Variants in PDE7B observed in about 807,000 individuals in gnomAD.
PDE7B encodes phosphodiesterase 7B.
A neutral mutation model predicts 56.2 loss-of-function variants in PDE7B; 29 were observed. That is an observed-to-expected ratio of 0.52 (90% CI 0.38 to 0.70). PDE7B has a LOEUF of 0.70. PDE7B is among the 30% of genes least tolerant of loss of function. The pLI is 0.00. For synonymous variants in PDE7B, 197 were observed against 196.9 expected, an observed-to-expected ratio of 1.00 and a Z score of 0.00; for missense variants, 490 against 565.0, an observed-to-expected ratio of 0.87 and a Z score of 1.35.
At chr6:136,038,073 GC>G in intron 2 of PDE7B, 2 of 1,338,120 alleles carry the variant, frequency 1.5e-6, no homozygotes, top group Non-Finnish European at 2.0e-6. Flanking sequence ...TTTGTGGAGG[GC>G]CTGAAGAGAC....
At chr6:136,003,747 A>G (rs1265872643) in intron 2 of PDE7B, among the ~76,000 whole-genome samples, 2 of 152,230 alleles carry the variant, frequency 1.3e-5, no homozygotes, top group Non-Finnish European at 2.9e-5. Context: ...GACCAGATGG[A>G]TTCACAGCCG....
chr6:136,179,620 G>A (rs1444608278), intron 10 of PDE7B, among the ~76,000 whole-genome samples: 1 of 152,058 alleles, frequency 6.6e-6, no homozygotes, highest in East Asian at 1.9e-4. Flanking sequence ...TTGGTGGCTT[G>A]GTATAAAATC....
At chr6:135,888,900 A>C (rs1317396405) in intron 1 of PDE7B, among the ~76,000 whole-genome samples, 1 of 152,192 alleles carries the variant, frequency 6.6e-6, no homozygotes, top group Admixed American at 6.5e-5. Context: ...CAGAAATAAA[A>C]CAATAAGAAA....
chr6:136,166,017 A>G (rs943332244), intron 8 of PDE7B, among the ~76,000 whole-genome samples: 7 of 152,182 alleles, frequency 4.6e-5, no homozygotes, highest in African/African-American at 1.4e-4. Context: ...CCCTTTATGT[A>G]ACATTCTTCC....
intron 2 of PDE7B, among the ~76,000 whole-genome samples, chr6:136,013,684 T>C (rs1400500242): frequency 6.6e-6 from 1 of 152,142 alleles, no homozygotes; most frequent in Non-Finnish European, 1.5e-5. Context: ...GAACAGGACA[T>C]GAGAAAACCT....
At chr6:135,889,534 G>A (rs1264580217) in intron 1 of PDE7B, among the ~76,000 whole-genome samples, 9 of 146,426 alleles carry the variant, frequency 6.1e-5, no homozygotes, top group Non-Finnish European at 1.0e-4. Context: ...TCCACCTCCT[G>A]GGTTCAAGTG....
chr6:135,946,516 A>G (rs1036953202), intron 1 of PDE7B, among the ~76,000 whole-genome samples: 1 of 152,072 alleles, frequency 6.6e-6, no homozygotes, highest in African/African-American at 2.4e-5. Flanking sequence ...TTTATATTCC[A>G]TCCCGCAATG....
intron 3 of PDE7B, among the ~76,000 whole-genome samples, chr6:136,126,225 A>G (rs567929634): frequency 1.3e-5 from 2 of 152,260 alleles, no homozygotes; most frequent in East Asian, 1.9e-4. Flanking sequence ...GTAATTTCCT[A>G]AGAAGGCGAA....
intron 1 of PDE7B, among the ~76,000 whole-genome samples, chr6:135,923,251 G>C (rs1276070409): frequency 1.3e-5 from 2 of 152,162 alleles, no homozygotes; most frequent in Non-Finnish European, 2.9e-5. Flanking sequence ...AGTGCCTACT[G>C]TGTGGCAAAC....
chr6:135,909,169 A>C (rs1776167396), intron 1 of PDE7B, among the ~76,000 whole-genome samples: 1 of 152,160 alleles, frequency 6.6e-6, no homozygotes, highest in African/African-American at 2.4e-5. Context: ...GTGAAATTTT[A>C]AAAAGAAAAA....
rs1778568711 is a variant in PDE7B at position 136,154,128 on chromosome 6, G to A, written c.532G>A (p.Ala178Thr). The change falls in exon 7 of 13, where the codon GCA (alanine) becomes ACA (threonine). Residue 178 changes from alanine to threonine, a missense_variant. Ala to Thr is a moderately conservative substitution (Grantham distance 58, BLOSUM62 0). Transcript: ENST00000308191. ...AAACCCGTATCACAATGCTGTTCAC[G>A]CAGCCGACGTCACCCAGGCCATGCA... The part of the protein sequence containing the change: ...SQNPYHNAVH[A>T]ADVTQAMHCY... The A allele has an allele frequency of 2.5e-6, 4 of 1,613,718 alleles. No homozygotes were observed. Among genetic ancestry groups the A allele is most frequent in the Admixed American group, 1.7e-5 (1 of 59,954 alleles).
intron 1 of PDE7B, among the ~76,000 whole-genome samples, chr6:135,920,824 T>C (rs1007085926): frequency 6.6e-6 from 1 of 152,154 alleles, no homozygotes; most frequent in Admixed American, 6.5e-5. Flanking sequence ...CTGCGCAGAG[T>C]ATCCAATCCC....
At chr6:136,077,831 A>G (rs1200761476) in intron 2 of PDE7B, among the ~76,000 whole-genome samples, 3 of 152,214 alleles carry the variant, frequency 2.0e-5, no homozygotes, top group Non-Finnish European at 4.4e-5. Context: ...AAGCTGAGCA[A>G]CTTGGTAACG....
intron 2 of PDE7B, among the ~76,000 whole-genome samples, chr6:135,984,296 T>A (rs1460365978): frequency 6.6e-6 from 1 of 151,762 alleles, no homozygotes; most frequent in Non-Finnish European, 1.5e-5. Flanking sequence ...GTTTTGTTTT[T>A]TTGTTTGTTT....
At chr6:135,947,621 A>G (rs2128199481) in intron 2 of PDE7B, 97 bp downstream of exon 2, 1 of 832,534 alleles carries the variant, frequency 1.2e-6, no homozygotes, top group Admixed American at 1.9e-5. Flanking sequence ...TCTGTTTTGA[A>G]GAGGCTGATA....
intron 9 of PDE7B, among the ~76,000 whole-genome samples, chr6:136,175,972 A>G (rs1778970413): frequency 6.6e-6 from 1 of 151,970 alleles, no homozygotes. Context: ...CAAATTTGAC[A>G]TATATGTATG....
intron 3 of PDE7B, among the ~76,000 whole-genome samples, chr6:136,124,760 G>A (rs561870227): frequency 4.7e-4 from 72 of 152,272 alleles, no homozygotes; most frequent in Non-Finnish European, 7.8e-4. Context: ...AATATTGAAG[G>A]CATTTATTCA....
At chr6:135,906,328 T>A (rs1776104002) in intron 1 of PDE7B, among the ~76,000 whole-genome samples, 1 of 152,172 alleles carries the variant, frequency 6.6e-6, no homozygotes, top group South Asian at 2.1e-4. Flanking sequence ...ACAAGCAAAA[T>A]CTTTACCCGT....
At chr6:136,079,595 G>A (rs1433477042) in intron 2 of PDE7B, among the ~76,000 whole-genome samples, 1 of 152,042 alleles carries the variant, frequency 6.6e-6, no homozygotes, top group Non-Finnish European at 1.5e-5. Context: ...TAAAGACTGA[G>A]GTTTTATTTA....
Sources: gnomAD v4.1 joint callset for allele counts (sites outside exome capture counted in the v4.1 genomes callset) on GRCh38, gnomAD v4.1.1 for gene constraint, MANE v1.5 for transcripts, NCBI Gene and HGNC (gene_info 2026-07-23, HGNC 2026-07-21) for gene names.